The following DGCR8 variants were observed in gnomAD, a reference collection of about 807,000 sequenced individuals.
DGCR8 encodes the protein microprocessor complex subunit DGCR8.
In DGCR8, 14 loss-of-function variants were observed where a neutral mutation model predicts 78.5. That is an observed-to-expected ratio of 0.18 (90% CI 0.12 to 0.28). The LOEUF is 0.28. Ranked by LOEUF, DGCR8 falls within the 10% of genes least tolerant of loss-of-function variation. The probability of loss-of-function intolerance (pLI) is 1.00; values close to 1 mark genes in which losing one functional copy is unlikely to be tolerated. For synonymous variants in DGCR8, 399 were observed against 402.4 expected, an observed-to-expected ratio of 0.99 and a Z score of 0.10; for missense variants, 702 against 1,022.5, an observed-to-expected ratio of 0.69 and a Z score of 4.28.
chr22:20,111,476 G>C lies in DGCR8; in HGVS notation c.*1368G>C, dbSNP rs2049843981. 2 of 397,064 alleles carry C rather than the reference G, an allele frequency of 5.0e-6. No homozygotes were observed. Among genetic ancestry groups the C allele is most frequent in the African/African-American group, 4.1e-5 (2 of 48,330 alleles). 24.6% of individuals were successfully genotyped at this position (397,064 alleles called of 1,614,324 possible). On this transcript the variant is annotated 3_prime_UTR_variant, in exon 14 of 14. Transcript: ENST00000351989. Reference sequence around the variant, plus strand: ...TTGGCTTCTGTTGACCTTTAAAAAAGAAACCCTCAACTCAAATTGCTATAA... The same window carrying C: ...TTGGCTTCTGTTGACCTTTAAAAAACAAACCCTCAACTCAAATTGCTATAA...
At chr22:20,090,382 A>G (rs1402512551) in intron 5 of DGCR8, 124 bp downstream of exon 5, 2 of 1,160,800 alleles carry the variant, frequency 1.7e-6, no homozygotes, top group Admixed American at 5.7e-5. Flanking sequence ...GTGCACCTCC[A>G]CTGTTGGTGT....
At chr22:20,101,806 T>A (rs1012157342) in intron 9 of DGCR8, 2 of 985,384 alleles carry the variant, frequency 2.0e-6, no homozygotes, top group Non-Finnish European at 2.4e-6. Context: ...CCAACACCTG[T>A]CCTTGGACTG....
Position 20,086,801 on chromosome 22 carries a change from C to A in DGCR8, c.720+118C>A. On this transcript the variant is annotated intron_variant, in intron 2 of 13. Transcript: ENST00000351989. The surrounding 1 kb of genome is among the most constrained non-coding windows in gnomAD (Gnocchi z 6.4). ...AAAAAAAAAAACAAAAACCAAAATC[C>A]CCTCTGAGGTGGAATAATGTTAATG... 1 of 1,157,122 alleles carries A rather than the reference C, an allele frequency of 8.6e-7. No homozygotes were observed. The highest frequency in any genetic ancestry group is 1.2e-6 in the Non-Finnish European group (1 of 827,574). 71.7% of individuals were successfully genotyped at this position (1,157,122 alleles called of 1,614,324 possible). A position where few individuals can be genotyped will look rare whatever the true frequency, so the allele number is the denominator to read the frequency against.
In DGCR8 at chr22:20,110,340, A is replaced by T. The variant is rs1029167323; in HGVS notation, c.*232A>T. 1 of 522,880 alleles carries T rather than the reference A, an allele frequency of 1.9e-6. No homozygotes were observed. The allele number at this position is 522,880 out of a possible 1,614,324, so 32.4% of individuals were successfully genotyped here. ...GAAAGCTCCAGGCCTGAATGGATGG[A>T]CTCAGCGACTGCACCAGTGGCAGCT... is the stretch of plus-strand genomic sequence containing the variant. On this transcript the variant is annotated 3_prime_UTR_variant, in exon 14 of 14. Transcript: ENST00000351989.
intron 6 of DGCR8, 99 bp downstream of exon 6, chr22:20,091,731 G>A (rs1448440921): frequency 6.5e-6 from 10 of 1,532,022 alleles, no homozygotes; most frequent in Admixed American, 5.1e-5. Flanking sequence ...TTCGTTCAAA[G>A]TTTATGTTTA....
rs1402288792 is a variant in DGCR8, at chr22:20,086,621, A to T, written c.658A>T (p.Thr220Ser). ...ELDEEGAGGFTAKAIVQRDRV... is the reference protein window; with the variant it reads ...ELDEEGAGGFSAKAIVQRDRV... ...AGATGAAGAAGGAGCAGGCGGGTTC[A>T]CGGCTAAAGCAATCGTTCAGAGAGA... The change falls in exon 2 of 14, where the codon ACG becomes TCG. Residue 220 changes from threonine (T) to serine (S), a missense_variant. Around this residue, in one of 4 missense-constraint regions of DGCR8, gnomAD observed 356 missense variants for 448.9 expected, o/e 0.79. Transcript: ENST00000351989. This position sits in a 1 kb window ranked among gnomAD's most constrained non-coding sequence, Gnocchi z 6.4. 1 of 1,612,682 alleles carries T rather than the reference A, an allele frequency of 6.2e-7. No homozygotes were observed. Among genetic ancestry groups the T allele is most frequent in the Non-Finnish European group, 8.5e-7 (1 of 1,179,936 alleles).
intron 9 of DGCR8, among the ~76,000 whole-genome samples, chr22:20,104,817 C>T (rs926923344): frequency 6.6e-6 from 1 of 152,210 alleles, no homozygotes; most frequent in African/African-American, 2.4e-5. Flanking sequence ...GCAGTTGCAG[C>T]GAGTTGGCCT....
chr22:20,106,528 C>G (rs2049771595), intron 10 of DGCR8, 64 bp from the exon 11 acceptor site: 31 of 1,246,192 alleles, frequency 2.5e-5, no homozygotes, highest in Non-Finnish European at 3.7e-5. Flanking sequence ...CAGAGCAGGC[C>G]TCCTCAGAGG....
At position 20,107,811 on chromosome 22, in the gene DGCR8, A is replaced by G. The variant is rs144028533; in HGVS notation, c.2124+413A>G. On this transcript the variant is annotated intron_variant, in intron 12 of 13. Coordinates refer to ENST00000351989, the MANE Select transcript of DGCR8 (RefSeq NM_022720.7). Reference sequence around the variant, plus strand: ...CTCTCCCTGGTACCAGTGCCGGTCCATCTCTAACAGAAGAGCATATGTGTA... The same window carrying G: ...CTCTCCCTGGTACCAGTGCCGGTCCGTCTCTAACAGAAGAGCATATGTGTA... 9.4e-3 allele frequency: 2,182 copies of G among 233,298 alleles called. 20 individuals are homozygous for G. Among genetic ancestry groups the G allele is most frequent in the Non-Finnish European group, 0.014 (1,558 of 114,428 alleles). The allele number at this position is 233,298 out of a possible 1,614,324, so 14.5% of individuals were successfully genotyped here. A position where few individuals can be genotyped will look rare whatever the true frequency, so the allele number is the denominator to read the frequency against.
chr22:20,096,555 C>T (rs924559576), intron 9 of DGCR8: 4 of 869,498 alleles, frequency 4.6e-6, no homozygotes, highest in Non-Finnish European at 4.1e-6. Context: ...ATAAATTTGG[C>T]CTTTTAAACT....
chr22:20,107,159 G>A, intron 11 of DGCR8, 112 bp from the exon 12 acceptor site: 1 of 1,200,774 alleles, frequency 8.3e-7, no homozygotes, highest in Non-Finnish European at 1.2e-6. Context: ...CCTGTAGAAT[G>A]TGCCCTGGCT....
intron 9 of DGCR8, chr22:20,100,568 G>A: frequency 1.0e-6 from 1 of 985,364 alleles, no homozygotes. Context: ...CTTTGCTATG[G>A]GGTGGTGGAA....
rs1230238910 is a variant in DGCR8 at position 20,086,524 on chromosome 22, G to C, written c.561G>C (p.Glu187Asp). 2 of 1,613,966 alleles carry C rather than the reference G, an allele frequency of 1.2e-6. No homozygotes were observed. Among genetic ancestry groups the C allele is most frequent in the East Asian group, 2.2e-5 (1 of 44,886 alleles). Residue 187 changes from glutamate to aspartate, a missense_variant, in exon 2 of 14, where the codon GAG becomes GAC. Glu to Asp is a conservative substitution (Grantham distance 45). Coordinates refer to ENST00000351989, the MANE Select transcript of DGCR8 (RefSeq NM_022720.7). This position sits in a 1 kb window ranked among gnomAD's most constrained non-coding sequence, Gnocchi z 6.4. ...ESADKKDEEN[E>D]LDQEKRVEYA... ...CTGATAAGAAGGATGAGGAGAATGA[G>C]CTGGATCAGGAAAAGAGAGTGGAGT...
intron 5 of DGCR8, 108 bp from the exon 6 acceptor site, chr22:20,091,327 A>G (rs1456484058): frequency 1.8e-6 from 2 of 1,094,678 alleles, no homozygotes; most frequent in South Asian, 2.7e-5. Flanking sequence ...GGGACGGGGA[A>G]AGGAAATAGT....
chr22:20,100,656 G>A (rs898650288), intron 9 of DGCR8: 3 of 985,324 alleles, frequency 3.0e-6, no homozygotes, highest in African/African-American at 1.7e-5. Flanking sequence ...CCACTCTGGG[G>A]TTCTTCTGTG....
Position 20,111,320 on chromosome 22 carries a change from G to A in DGCR8, c.*1212G>A, listed in dbSNP as rs112947298. On this transcript the variant is annotated 3_prime_UTR_variant, in exon 14 of 14. Coordinates refer to ENST00000351989, the MANE Select transcript of DGCR8 (RefSeq NM_022720.7). ...TGAAGCAAGAGTCCAGCGTTCTGCCGTGTCTGTCCCCCACCATGCCCCCTA... is the reference window on the plus strand; with the variant it reads ...TGAAGCAAGAGTCCAGCGTTCTGCCATGTCTGTCCCCCACCATGCCCCCTA... The A allele has an allele frequency of 8.3e-5, 33 of 398,576 alleles. No individual in the cohort carries two copies. Among genetic ancestry groups the A allele is most frequent in the Middle Eastern group, 6.3e-4 (1 of 1,586 alleles). The allele number at this position is 398,576 out of a possible 1,614,324, so 24.7% of individuals were successfully genotyped here. A position where few individuals can be genotyped will look rare whatever the true frequency, so the allele number is the denominator to read the frequency against.
In DGCR8 at chr22:20,086,071, A is replaced by G. The variant is rs2147915348; in HGVS notation, c.108A>G (p.Pro36=). ...PFQALPREQS[P]PPPLQTSSGA... ...AAGCGCTGCCCCGTGAGCAGTCTCCACCACCTCCCCTGCAAACGTCCAGTG... is the reference window on the plus strand; with the variant it reads ...AAGCGCTGCCCCGTGAGCAGTCTCCGCCACCTCCCCTGCAAACGTCCAGTG... Residue 36 remains proline, a synonymous_variant, in exon 2 of 14, where the codon CCA becomes CCG. Transcript: ENST00000351989. The surrounding 1 kb of genome is among the most constrained non-coding windows in gnomAD (Gnocchi z 6.4). 1 of 1,614,018 alleles carries G rather than the reference A, an allele frequency of 6.2e-7. No homozygotes were observed. Among genetic ancestry groups the G allele is most frequent in the Non-Finnish European group, 8.5e-7 (1 of 1,180,032 alleles).
intron 1 of DGCR8, among the ~76,000 whole-genome samples, chr22:20,084,506 C>G (rs1234426986): frequency 6.6e-6 from 1 of 152,176 alleles, no homozygotes; most frequent in African/African-American, 2.4e-5. Flanking sequence ...GAGTTGCATC[C>G]TTAACCCTCA....
intron 9 of DGCR8, among the ~76,000 whole-genome samples, chr22:20,105,692 G>T (rs557542989): frequency 7.9e-5 from 12 of 152,234 alleles, no homozygotes; most frequent in Non-Finnish European, 1.5e-4. Context: ...TGGCCACCTG[G>T]GGCTGGGCTC....
Sources: gnomAD v4.1 joint callset for allele counts (sites outside exome capture counted in the v4.1 genomes callset) on GRCh38, gnomAD v4.1.1 for gene constraint, gnomAD v4.1.1 regional missense constraint, Gnocchi (gnomAD v3.1) non-coding constraint, MANE v1.5 for transcripts, NCBI Gene and HGNC (gene_info 2026-07-23, HGNC 2026-07-21) for gene names.